The following ANKRD33B variants were observed in gnomAD, a reference collection of about 807,000 sequenced individuals.
ANKRD33B encodes the protein ankyrin repeat domain-containing protein 33B.
Under a neutral mutation model 21.5 loss-of-function variants are expected in ANKRD33B, and 6 were observed. The ratio of observed to expected loss-of-function variants is 0.28; its 90% CI spans 0.15 to 0.55. The LOEUF is 0.55. Ranked by LOEUF, ANKRD33B falls within the 20% of genes least tolerant of loss-of-function variation. ANKRD33B has a pLI of 0.94. For synonymous variants in ANKRD33B, 347 were observed against 342.4 expected (o/e 1.01, Z -0.15); for missense variants, 698 against 747.2 (o/e 0.93, Z 0.77).
intron 1 of ANKRD33B, among the ~76,000 whole-genome samples, chr5:10,613,539 A>G (rs1283285983): frequency 1.4e-5 from 2 of 147,098 alleles, no homozygotes; most frequent in East Asian, 3.9e-4. Flanking sequence ...GTGTTTGCTT[A>G]CTTTTTTCAA....
At chr5:10,573,854 G>C (rs1047377918) in intron 1 of ANKRD33B, among the ~76,000 whole-genome samples, 1 of 152,198 alleles carries the variant, frequency 6.6e-6, no homozygotes, top group African/African-American at 2.4e-5. Context: ...TTTGAGATGC[G>C]ATTTGTGTGG....
chr5:10,612,993 C>G (rs1297347347), intron 1 of ANKRD33B, among the ~76,000 whole-genome samples: 1 of 152,204 alleles, frequency 6.6e-6, no homozygotes, highest in Non-Finnish European at 1.5e-5. Flanking sequence ...CTGAAATGTA[C>G]TCTCTTCGTT....
At chr5:10,615,941 C>T (rs1421467688) in intron 1 of ANKRD33B, among the ~76,000 whole-genome samples, 3 of 152,154 alleles carry the variant, frequency 2.0e-5, no homozygotes, top group African/African-American at 7.2e-5. Flanking sequence ...CTGAAAACCT[C>T]AGTGGCTTTT....
chr5:10,644,394 A>G (rs997938102), intron 3 of ANKRD33B, among the ~76,000 whole-genome samples: 1 of 152,174 alleles, frequency 6.6e-6, no homozygotes, highest in African/African-American at 2.4e-5. Flanking sequence ...CGTATCGAGG[A>G]TGTGATTTTT....
At chr5:10,649,231 G>C in intron 3 of ANKRD33B, 35 bp from the exon 4 acceptor site, 2 of 1,490,958 alleles carry the variant, frequency 1.3e-6, no homozygotes, top group Non-Finnish European at 1.8e-6. Context: ...CCTTGTTGCC[G>C]CCACCCACTT....
At chr5:10,603,248 T>A (rs1331363259) in intron 1 of ANKRD33B, among the ~76,000 whole-genome samples, 4 of 151,982 alleles carry the variant, frequency 2.6e-5, no homozygotes, top group African/African-American at 9.7e-5. Flanking sequence ...TTCATCAGAA[T>A]TTTTTCATCC....
intron 1 of ANKRD33B, among the ~76,000 whole-genome samples, chr5:10,605,036 G>T (rs1288672977): frequency 1.3e-5 from 2 of 152,242 alleles, no homozygotes; most frequent in Non-Finnish European, 2.9e-5. Flanking sequence ...GCTTGACTGA[G>T]GCCACAGGGT....
At chr5:10,579,412 AAC>A (rs1735394341) in intron 1 of ANKRD33B, among the ~76,000 whole-genome samples, 1 of 152,006 alleles carries the variant, frequency 6.6e-6, no homozygotes, top group Non-Finnish European at 1.5e-5. Flanking sequence ...ACTTTATTAA[AAC>A]ACAAATCAGG....
At chr5:10,640,010 G>T (rs1379998447) in intron 3 of ANKRD33B, among the ~76,000 whole-genome samples, 7 of 89,716 alleles carry the variant, frequency 7.8e-5, no homozygotes, top group Non-Finnish European at 1.5e-4. Flanking sequence ...CGGGTGACGT[G>T]GAGTTGCGCG....
chr5:10,650,357 G>C lies in ANKRD33B; in HGVS notation c.*244G>C, dbSNP rs1472275534. 1 of 342,660 alleles carries C rather than the reference G, an allele frequency of 2.9e-6. No individual in the cohort carries two copies. The highest frequency in any genetic ancestry group is 5.2e-6 in the Non-Finnish European group (1 of 192,476). The allele number at this position is 342,660 out of a possible 1,614,324, so 21.2% of individuals were successfully genotyped here. On this transcript the variant is annotated 3_prime_UTR_variant, in exon 4 of 4. Coordinates refer to ENST00000296657, the MANE Select transcript of ANKRD33B (RefSeq NM_001164440.2). ...CACCTAGCGGGCACGTTGCCTAAAA[G>C]GCTCCCTTTAGAGAACCTCAATTAA...
intron 1 of ANKRD33B, among the ~76,000 whole-genome samples, chr5:10,570,626 T>C (rs184778910): frequency 5.3e-4 from 81 of 152,242 alleles, no homozygotes; most frequent in African/African-American, 1.9e-3. Context: ...GGCATAATCC[T>C]AGCTCACTGA....
chr5:10,590,595 C>T (rs1328919707), intron 1 of ANKRD33B, among the ~76,000 whole-genome samples: 125 of 48,548 alleles, frequency 2.6e-3, no homozygotes, highest in Middle Eastern at 0.017. Context: ...GAGATGCGCG[C>T]GCGCGCGCGC....
intron 1 of ANKRD33B, among the ~76,000 whole-genome samples, chr5:10,599,483 C>G (rs1195569048): frequency 3.3e-5 from 5 of 152,152 alleles, no homozygotes; most frequent in African/African-American, 1.2e-4. Context: ...GTCCCTCTTC[C>G]TCCTCCTACC....
chr5:10,567,582 C>A (rs1192965473), intron 1 of ANKRD33B, among the ~76,000 whole-genome samples: 1 of 152,238 alleles, frequency 6.6e-6, no homozygotes, highest in Non-Finnish European at 1.5e-5. Context: ...TTTAAGGGCA[C>A]CTTCCCTGGG....
intron 2 of ANKRD33B, among the ~76,000 whole-genome samples, chr5:10,631,797 G>A (rs1736718092): frequency 6.6e-6 from 1 of 152,210 alleles, no homozygotes; most frequent in South Asian, 2.1e-4. Flanking sequence ...GACCTCAAAA[G>A]GTGAAGCAGA....
At chr5:10,625,932 CG>C in intron 2 of ANKRD33B, among the ~76,000 whole-genome samples, 1 of 152,086 alleles carries the variant, frequency 6.6e-6, no homozygotes, top group South Asian at 2.1e-4. Flanking sequence ...CTGTCAATTA[CG>C]GGGGGAAGGG....
At chr5:10,608,492 G>A (rs1179045029) in intron 1 of ANKRD33B, among the ~76,000 whole-genome samples, 1 of 152,144 alleles carries the variant, frequency 6.6e-6, no homozygotes, top group Admixed American at 6.5e-5. Flanking sequence ...ACCAATGGGA[G>A]CAACTCTCAG....
rs563144153 is a variant in ANKRD33B at position 10,656,172 on chromosome 5, T to C, written c.*6059T>C. 3.9e-5 allele frequency: 6 copies of C among 152,446 alleles called. No individual in the cohort carries two copies. The highest frequency in any genetic ancestry group is 3.3e-4 in the Admixed American group (5 of 15,306). The allele number at this position is 152,446 out of a possible 1,614,324, so 9.4% of individuals were successfully genotyped here. A position where few individuals can be genotyped will look rare whatever the true frequency, so the allele number is the denominator to read the frequency against. Reference sequence around the variant, plus strand: ...GCCCTTGCACTCACAGGTTCCTTCATTAACATTTTAAATAAGTGGCTAAAA... The same window carrying C: ...GCCCTTGCACTCACAGGTTCCTTCACTAACATTTTAAATAAGTGGCTAAAA... On this transcript the variant is annotated 3_prime_UTR_variant, in exon 4 of 4. Transcript: ENST00000296657.
chr5:10,585,068 T>G, intron 1 of ANKRD33B, among the ~76,000 whole-genome samples: 1 of 151,922 alleles, frequency 6.6e-6, no homozygotes, highest in East Asian at 1.9e-4. Context: ...GGAGATGAGG[T>G]CAGAAGTGAC....
Sources: gnomAD v4.1 joint callset for allele counts (sites outside exome capture counted in the v4.1 genomes callset) on GRCh38, gnomAD v4.1.1 for gene constraint, MANE v1.5 for transcripts, NCBI Gene and HGNC (gene_info 2026-07-23, HGNC 2026-07-21) for gene names.